KIF26B: variants seen among roughly 807,000 people sequenced by gnomAD.
KIF26B encodes kinesin family member 26B, also known as kinesin-like protein KIF26B.
In KIF26B, 63 loss-of-function variants were observed where a neutral mutation model predicts 151.2. The observed-to-expected ratio is 0.42, with a 90% confidence interval of 0.34 to 0.51. KIF26B has a LOEUF of 0.51. KIF26B is among the 20% of genes least tolerant of loss of function. The pLI is 0.07. For missense variants in KIF26B, 2,813 were observed against 2,913.6 expected (o/e 0.97, Z 0.79); for synonymous variants, 1,357 against 1,262.1 (o/e 1.08, Z -1.59).
intron 2 of KIF26B, among the ~76,000 whole-genome samples, chr1:245,291,111 G>T (rs1207700812): frequency 6.6e-6 from 1 of 152,216 alleles, no homozygotes; most frequent in African/African-American, 2.4e-5. Context: ...GCAGAAGTAT[G>T]CATGACCTCT....
At chr1:245,485,604 A>G (rs1572086652) in intron 4 of KIF26B, among the ~76,000 whole-genome samples, 1 of 152,244 alleles carries the variant, frequency 6.6e-6, no homozygotes, top group Middle Eastern at 3.4e-3. Context: ...GGCTGGTCTC[A>G]GACTCCTGAC....
At chr1:245,204,822 G>A (rs184606059) in intron 2 of KIF26B, among the ~76,000 whole-genome samples, 18 of 151,812 alleles carry the variant, frequency 1.2e-4, no homozygotes, top group East Asian at 3.9e-4. Context: ...ACTCTGTCAC[G>A]CAGGCTGGAG....
chr1:245,208,287 A>T (rs1315396892), intron 2 of KIF26B, among the ~76,000 whole-genome samples: 1 of 152,176 alleles, frequency 6.6e-6, no homozygotes, highest in Non-Finnish European at 1.5e-5. Context: ...CTTTTAGTCC[A>T]TTGTCCCACT....
At chr1:245,504,455 C>T (rs1572095491) in intron 4 of KIF26B, among the ~76,000 whole-genome samples, 1 of 143,984 alleles carries the variant, frequency 6.9e-6, no homozygotes, top group South Asian at 2.3e-4. Flanking sequence ...TTTTTTGATA[C>T]AGGGTCTTGC....
At chr1:245,224,722 A>G (rs555998718) in intron 2 of KIF26B, among the ~76,000 whole-genome samples, 1 of 152,342 alleles carries the variant, frequency 6.6e-6, no homozygotes, top group African/African-American at 2.4e-5. Flanking sequence ...TAACTCACTG[A>G]ATAATTATTT....
chr1:245,411,807 TC>T (rs1387630900), intron 3 of KIF26B, among the ~76,000 whole-genome samples: 6 of 152,192 alleles, frequency 3.9e-5, no homozygotes, highest in African/African-American at 1.4e-4. Flanking sequence ...AATTTTTTTT[TC>T]TTTCTCTCTC....
At chr1:245,655,576 G>A (rs528171090) in intron 10 of KIF26B, among the ~76,000 whole-genome samples, 3 of 152,312 alleles carry the variant, frequency 2.0e-5, no homozygotes, top group Admixed American at 6.5e-5. Context: ...ATGATGTAAG[G>A]AGGCAAAGGA....
At chr1:245,223,402 C>A (rs1353922283) in intron 2 of KIF26B, among the ~76,000 whole-genome samples, 1 of 152,192 alleles carries the variant, frequency 6.6e-6, no homozygotes, top group East Asian at 1.9e-4. Context: ...AGGGTACATT[C>A]ACTGAGCTTT....
At chr1:245,676,613 G>T (rs780290316) in intron 10 of KIF26B, 9 of 152,234 alleles carry the variant, frequency 5.9e-5, no homozygotes, top group Admixed American at 2.0e-4. Context: ...TAAATAGAAT[G>T]CTGGTATCTA....
intron 3 of KIF26B, among the ~76,000 whole-genome samples, chr1:245,408,865 A>C (rs1398287201): frequency 6.6e-6 from 1 of 152,118 alleles, no homozygotes; most frequent in East Asian, 1.9e-4. Flanking sequence ...ACTCGATCGC[A>C]GTTGTGCCTG....
chr1:245,647,424 CAAAA>C (rs372008159), intron 10 of KIF26B, among the ~76,000 whole-genome samples: 5 of 96,534 alleles, frequency 5.2e-5, no homozygotes, highest in South Asian at 8.5e-4. Context: ...GACTCCTTCT[CAAAA>C]AAAAAAAAAA....
At chr1:245,303,327 T>G (rs934952954) in intron 2 of KIF26B, among the ~76,000 whole-genome samples, 3 of 149,958 alleles carry the variant, frequency 2.0e-5, no homozygotes, top group Non-Finnish European at 4.4e-5. Flanking sequence ...GCCTCCCGAG[T>G]AGCTGGGACT....
intron 2 of KIF26B, among the ~76,000 whole-genome samples, chr1:245,243,078 C>T (rs1166733002): frequency 6.6e-6 from 1 of 152,144 alleles, no homozygotes; most frequent in Non-Finnish European, 1.5e-5. Context: ...CTGATATATT[C>T]AGAGGAGAGA....
At chr1:245,579,709 G>GT (rs1386674540) in intron 5 of KIF26B, among the ~76,000 whole-genome samples, 26 of 152,132 alleles carry the variant, frequency 1.7e-4, no homozygotes, top group Admixed American at 6.5e-4. Context: ...TTAGCCCGGT[G>GT]TGGTGGCACA....
chr1:245,315,301 C>G (rs1359655491), intron 2 of KIF26B, among the ~76,000 whole-genome samples: 2 of 152,186 alleles, frequency 1.3e-5, no homozygotes, highest in African/African-American at 4.8e-5. Flanking sequence ...ATGGTGGCAA[C>G]AGTTGCACAA....
At chr1:245,196,031 A>T (rs1281400407) in intron 2 of KIF26B, among the ~76,000 whole-genome samples, 1 of 152,140 alleles carries the variant, frequency 6.6e-6, no homozygotes, top group African/African-American at 2.4e-5. Context: ...GTCCTTCAGG[A>T]TGTCCTTCTG....
intron 4 of KIF26B, among the ~76,000 whole-genome samples, chr1:245,423,750 GT>G (rs1397491772): frequency 2.0e-5 from 3 of 152,136 alleles, no homozygotes; most frequent in Non-Finnish European, 2.9e-5. Flanking sequence ...AAATGTTGGT[GT>G]TCATCTCCAT....
intron 9 of KIF26B, among the ~76,000 whole-genome samples, chr1:245,612,243 T>TG (rs1425402897): frequency 2.0e-5 from 3 of 152,052 alleles, no homozygotes; most frequent in Non-Finnish European, 4.4e-5. Context: ...CCAAGTAGCT[T>TG]GGGACTACAG....
intron 10 of KIF26B, among the ~76,000 whole-genome samples, chr1:245,674,057 C>T (rs950770964): frequency 1.3e-5 from 2 of 152,192 alleles, no homozygotes; most frequent in Admixed American, 6.5e-5. Flanking sequence ...GCACATACTC[C>T]TAAACCTGAG....
Sources: allele counts gnomAD v4.1 joint callset (sites outside exome capture counted in the v4.1 genomes callset), GRCh38; gene constraint gnomAD v4.1.1; transcripts MANE v1.5; gene names NCBI Gene and HGNC (gene_info 2026-07-23, HGNC 2026-07-21).